Variants in GREB1L observed in about 807,000 individuals in gnomAD.
GREB1L encodes the protein GREB1 like retinoic acid receptor coactivator.
Under a neutral mutation model 200.8 loss-of-function variants are expected in GREB1L, and 17 were observed. The observed-to-expected ratio is 0.08, with a 90% CI of 0.06 to 0.13. The LOEUF (loss-of-function observed/expected upper bound fraction) is 0.13. GREB1L is among the 10% of genes least tolerant of loss of function. The probability of loss-of-function intolerance (pLI) is 1.00; values close to 1 mark genes in which losing one functional copy is unlikely to be tolerated. For missense variants in GREB1L, 1,657 were observed against 2,367.7 expected, an observed-to-expected ratio of 0.70 and a Z score of 6.23; for synonymous variants, 789 against 893.0, an observed-to-expected ratio of 0.88 and a Z score of 2.08.
At chr18:21,253,199 CCTT>C (rs2037740837) in intron 1 of GREB1L, among the ~76,000 whole-genome samples, 1 of 151,864 alleles carries the variant, frequency 6.6e-6, no homozygotes. Context: ...TTTCACAGTG[CCTT>C]CTTATACTTG....
rs2036558105 is a variant in GREB1L at position 21,496,656 on chromosome 18, G to A, written c.3349G>A (p.Glu1117Lys). ...CTCCGATGAGCTGCTCATCGACCTG[G>A]AGCGGCCCCAGAGCAACAGCAGCGC... ...NDSDELLIDL[E>K]RPQSNSSAVT... The change falls in exon 21 of 33, where the codon GAG becomes AAG. Residue 1117 changes from glutamate (E) to lysine (K), a missense_variant. Transcript: ENST00000424526. 35 of 1,551,638 alleles carry A rather than the reference G, an allele frequency of 2.3e-5. No individual in the cohort carries two copies. Among genetic ancestry groups the A allele is most frequent in the Non-Finnish European group, 3.1e-5 (35 of 1,146,984 alleles).
chr18:21,419,970 C>G (rs56881189), intron 7 of GREB1L, among the ~76,000 whole-genome samples: 56,863 of 152,108 alleles, frequency 0.37, 16,068 homozygotes, highest in African/African-American at 0.77. Flanking sequence ...TGTGACCTGG[C>G]TTAGGTAATG....
Position 21,516,882 on chromosome 18 carries a change from T to TG in GREB1L, c.5271+128_5271+129insG, listed in dbSNP as rs1469143767. ...AAGTGAAATAACACAAGGGAGTTTT[T>TG]TTTTTTTTTTTTTGAGACAGTCTGT... On this transcript the variant is annotated intron_variant, in intron 30 of 32. Coordinates refer to ENST00000424526, the MANE Select transcript of GREB1L (RefSeq NM_001142966.3). The TG allele has an allele frequency of 5.7e-5, 51 of 892,066 alleles. 1 individual carries two copies. The highest frequency in any genetic ancestry group is 8.2e-5 in the Non-Finnish European group (50 of 606,936). 55.3% of individuals were successfully genotyped at this position (892,066 alleles called of 1,614,324 possible). A position where few individuals can be genotyped will look rare whatever the true frequency, so the allele number is the denominator to read the frequency against.
intron 7 of GREB1L, among the ~76,000 whole-genome samples, chr18:21,430,775 T>A (rs1352632669): frequency 6.6e-6 from 1 of 150,848 alleles, no homozygotes; most frequent in African/African-American, 2.4e-5. Context: ...TTTGTATTTT[T>A]AGTAGAGACG....
intron 23 of GREB1L, among the ~76,000 whole-genome samples, chr18:21,502,529 T>A (rs951148130): frequency 6.6e-6 from 1 of 152,060 alleles, no homozygotes; most frequent in African/African-American, 2.4e-5. Flanking sequence ...CGAGCAAGAG[T>A]AGGTAAAATC....
In GREB1L at chr18:21,405,599, G is replaced by A. The variant is rs545371279; in HGVS notation, c.832+1605G>A. ...GCAGATCACTTGAGGTCAGGAGTTC[G>A]AGACCGGCCTGGCCAACATGGCAAA... On this transcript the variant is annotated intron_variant, in intron 7 of 32. Transcript: ENST00000424526. Among the ~76,000 whole-genome samples, 8 of 152,228 alleles carry A rather than the reference G, an allele frequency of 5.3e-5. No individual in the cohort carries two copies. The East Asian group carries it at 1.5e-3, about 29-fold the overall frequency.
intron 1 of GREB1L, among the ~76,000 whole-genome samples, chr18:21,287,919 C>T (rs528214637): frequency 1.3e-4 from 20 of 151,728 alleles, no homozygotes; most frequent in South Asian, 4.2e-4. Flanking sequence ...CTCAACCTCC[C>T]GGGTAGCTGG....
chr18:21,258,225 C>T (rs1389907257), intron 1 of GREB1L, among the ~76,000 whole-genome samples: 1 of 152,154 alleles, frequency 6.6e-6, no homozygotes, highest in Non-Finnish European at 1.5e-5. Flanking sequence ...GCACATACCA[C>T]TAGGGGACCA....
At chr18:21,388,779 T>C (rs767840450) in intron 4 of GREB1L, among the ~76,000 whole-genome samples, 3 of 152,044 alleles carry the variant, frequency 2.0e-5, no homozygotes, top group Non-Finnish European at 2.9e-5. Flanking sequence ...TCTCAGACTT[T>C]CCTTGTTTTT....
chr18:21,283,730 A>C (rs1231863861), intron 1 of GREB1L, among the ~76,000 whole-genome samples: 1 of 152,130 alleles, frequency 6.6e-6, no homozygotes, highest in Non-Finnish European at 1.5e-5. Context: ...CGAGTCTGAG[A>C]GTTTTGCTCT....
At chr18:21,257,667 T>C (rs887032499) in intron 1 of GREB1L, among the ~76,000 whole-genome samples, 5 of 152,206 alleles carry the variant, frequency 3.3e-5, no homozygotes, top group Non-Finnish European at 7.3e-5. Flanking sequence ...CATAGTTGCA[T>C]ATCTGGAATT....
intron 2 of GREB1L, among the ~76,000 whole-genome samples, chr18:21,378,052 G>C (rs1190417057): frequency 6.6e-6 from 1 of 152,124 alleles, no homozygotes; most frequent in Non-Finnish European, 1.5e-5. Context: ...TTTTGCATTT[G>C]ATGTAATGAC....
chr18:21,426,958 C>CAAAAAAAA (rs568993346), intron 7 of GREB1L, among the ~76,000 whole-genome samples: 11 of 68,424 alleles, frequency 1.6e-4, no homozygotes, highest in African/African-American at 4.2e-4. Flanking sequence ...GACTACGTCT[C>CAAAAAAAA]AAAAAAAAAA....
At chr18:21,340,789 C>T (rs1256842746) in intron 1 of GREB1L, among the ~76,000 whole-genome samples, 2 of 152,062 alleles carry the variant, frequency 1.3e-5, no homozygotes, top group African/African-American at 2.4e-5. Context: ...ATGATCCACC[C>T]GCCTGGGCCT....
chr18:21,458,131 G>A (rs1378190517), intron 15 of GREB1L, among the ~76,000 whole-genome samples: 1 of 151,988 alleles, frequency 6.6e-6, no homozygotes, highest in African/African-American at 2.4e-5. Flanking sequence ...ACCATGCCTG[G>A]CTAATTTTTT....
At chr18:21,462,337 T>A (rs2145574108) in intron 15 of GREB1L, among the ~76,000 whole-genome samples, 1 of 152,386 alleles carries the variant, frequency 6.6e-6, no homozygotes, top group African/African-American at 2.4e-5. Context: ...CCATTGCTCA[T>A]CACTTCTGAC....
chr18:21,389,351 T>TTTTTTTC (rs10686798), intron 4 of GREB1L, among the ~76,000 whole-genome samples: 4 of 145,556 alleles, frequency 2.7e-5, no homozygotes, highest in Admixed American at 6.9e-5. Context: ...TTTTTTTTTT[T>TTTTTTTC]CATCAAATAG....
At chr18:21,357,119 A>G (rs1477380904) in intron 1 of GREB1L, among the ~76,000 whole-genome samples, 6 of 152,178 alleles carry the variant, frequency 3.9e-5, no homozygotes, top group African/African-American at 9.7e-5. Context: ...CAGTGGCACA[A>G]TCTCGGCTCA....
chr18:21,400,349 C>G (rs1217295493), intron 5 of GREB1L, among the ~76,000 whole-genome samples: 2 of 152,042 alleles, frequency 1.3e-5, no homozygotes, highest in Middle Eastern at 3.4e-3. Flanking sequence ...GATATTAGAT[C>G]TAAAGGAATA....
Sources: allele counts gnomAD v4.1 joint callset (sites outside exome capture counted in the v4.1 genomes callset), GRCh38; gene constraint gnomAD v4.1.1; transcripts MANE v1.5; gene names NCBI Gene and HGNC (gene_info 2026-07-23, HGNC 2026-07-21).